Variants in ZNF146 observed in about 807,000 individuals in gnomAD.
ZNF146 encodes zinc finger protein 146.
ZNF146 carries 9 observed loss-of-function variants against 22.2 expected under a neutral mutation model. The observed-to-expected ratio is 0.41, with a 90% CI of 0.24 to 0.71. The LOEUF (loss-of-function observed/expected upper bound fraction) is 0.71, where lower values mean the gene tolerates loss of function less well. Among genes scored for constraint, ZNF146 ranks in the 30% least tolerant of loss-of-function variants. The pLI is 0.34. For missense variants in ZNF146, 194 were observed against 344.8 expected, an observed-to-expected ratio of 0.56 and a Z score of 3.46; for synonymous variants, 108 against 119.2, an observed-to-expected ratio of 0.91 and a Z score of 0.61.
chr19:36,231,491 G>C (rs1977369260), intron 3 of ZNF146, among the ~76,000 whole-genome samples: 1 of 152,158 alleles, frequency 6.6e-6, no homozygotes, highest in South Asian at 2.1e-4. Flanking sequence ...TTACAGGCGG[G>C]AGCCACTACA....
chr19:36,219,937 CT>C (rs552620218), intron 2 of ZNF146, among the ~76,000 whole-genome samples: 623 of 152,180 alleles, frequency 4.1e-3, no homozygotes, highest in Non-Finnish European at 7.3e-3. Flanking sequence ...TTTTTTCCCC[CT>C]GGCTTTTTCT....
At chr19:36,230,374 T>C (rs187720221) in intron 3 of ZNF146, among the ~76,000 whole-genome samples, 3 of 152,300 alleles carry the variant, frequency 2.0e-5, no homozygotes, top group Admixed American at 1.3e-4. Context: ...GACGGTGTTA[T>C]AATGGGGAGA....
Position 36,238,660 on chromosome 19 carries a change from CA to C in ZNF146, c.*1342del, listed in dbSNP as rs1359009822. 6.0e-6 allele frequency: 1 copy of C among 167,046 alleles called. No homozygotes were observed. The highest frequency in any genetic ancestry group is 2.4e-5 in the African/African-American group (1 of 41,442). The allele number at this position is 167,046 out of a possible 1,614,324, so 10.3% of individuals were successfully genotyped here. A position where few individuals can be genotyped will look rare whatever the true frequency, so the allele number is the denominator to read the frequency against. ...GATTCATTTCCAATTAAATACTAAA[CA>C]TTTTATAGAAAATATTTCTAAAATT... On this transcript the variant is annotated 3_prime_UTR_variant, in exon 4 of 4. Coordinates refer to ENST00000443387, the MANE Select transcript of ZNF146 (RefSeq NM_007145.3).
rs960970550 is a variant in ZNF146 at position 36,216,210 on chromosome 19, T to C, written c.-929+1014T>C. Among the ~76,000 whole-genome samples, 3 of 152,114 alleles carry C rather than the reference T, an allele frequency of 2.0e-5. No homozygotes were observed. The East Asian group carries it at 5.8e-4, about 29-fold the overall frequency. ...ACAATAGCAGTAAAAAGATAAAGTA[T>C]TGTGGAAGAAACTTAAAGGTTCAGA... On this transcript the variant is annotated intron_variant, in intron 1 of 3. Transcript: ENST00000443387.
At chr19:36,226,004 A>C (rs1977051626) in intron 2 of ZNF146, among the ~76,000 whole-genome samples, 1 of 151,992 alleles carries the variant, frequency 6.6e-6, no homozygotes, top group Non-Finnish European at 1.5e-5. Context: ...TCTGAGCTCA[A>C]GTGATCCTGC....
intron 2 of ZNF146, among the ~76,000 whole-genome samples, chr19:36,227,768 G>T (rs1977138549): frequency 6.6e-6 from 1 of 152,154 alleles, no homozygotes; most frequent in South Asian, 2.1e-4. Flanking sequence ...GCCCAGCCTG[G>T]TCTTGAACTC....
intron 1 of ZNF146, among the ~76,000 whole-genome samples, chr19:36,215,954 C>T (rs1266321407): frequency 6.6e-6 from 1 of 152,054 alleles, no homozygotes; most frequent in African/African-American, 2.4e-5. Context: ...CTTAATGAGT[C>T]GAGGCGTTCT....
At chr19:36,232,032 G>A (rs1977396563) in intron 3 of ZNF146, among the ~76,000 whole-genome samples, 1 of 151,742 alleles carries the variant, frequency 6.6e-6, no homozygotes, top group Admixed American at 6.6e-5. Context: ...GTAAAACCCC[G>A]TTTCTATTAA....
intron 2 of ZNF146, among the ~76,000 whole-genome samples, chr19:36,223,009 T>C (rs899008526): frequency 1.3e-5 from 2 of 152,062 alleles, no homozygotes; most frequent in African/African-American, 4.8e-5. Flanking sequence ...AGGCACAGTC[T>C]CACTGTGTTG....
intron 2 of ZNF146, among the ~76,000 whole-genome samples, chr19:36,220,100 A>G (rs990508579): frequency 2.0e-5 from 3 of 152,092 alleles, no homozygotes; most frequent in East Asian, 1.9e-4. Flanking sequence ...GCAGGCTTGT[A>G]TCTTCCTCCC....
chr19:36,219,145 G>C (rs1473089624), intron 2 of ZNF146, among the ~76,000 whole-genome samples: 2 of 152,028 alleles, frequency 1.3e-5, no homozygotes, highest in Non-Finnish European at 2.9e-5. Context: ...TTTTTAACTG[G>C]AATCAGGAAG....
intron 2 of ZNF146, among the ~76,000 whole-genome samples, chr19:36,226,186 C>G (rs1255326340): frequency 6.6e-6 from 1 of 152,182 alleles, no homozygotes; most frequent in Admixed American, 6.6e-5. Flanking sequence ...ACTGCCTAAT[C>G]GATCTCTCTG....
At chr19:36,235,618 T>C (rs1204436274) in intron 3 of ZNF146, 41 bp from the exon 4 acceptor site, 1 of 152,192 alleles carries the variant, frequency 6.6e-6, no homozygotes, top group Admixed American at 6.5e-5. Context: ...ACTTTATGAA[T>C]TTAACTCCTT....
At chr19:36,222,626 G>A (rs1016519001) in intron 2 of ZNF146, among the ~76,000 whole-genome samples, 1 of 151,006 alleles carries the variant, frequency 6.6e-6, no homozygotes, top group African/African-American at 2.5e-5. Flanking sequence ...TCTTATGAAT[G>A]AGAATTTTTT....
chr19:36,237,377 A>C lies in ZNF146; in HGVS notation c.*58A>C. ...TTTCATTAGAAATTTGCACCTCATCATGCCCCAGAAATAATCCTTCTGAAG... is the reference window on the plus strand; with the variant it reads ...TTTCATTAGAAATTTGCACCTCATCCTGCCCCAGAAATAATCCTTCTGAAG... On this transcript the variant is annotated 3_prime_UTR_variant, in exon 4 of 4. Coordinates refer to ENST00000443387, the MANE Select transcript of ZNF146 (RefSeq NM_007145.3). 1 of 1,527,852 alleles carries C rather than the reference A, an allele frequency of 6.5e-7. No homozygotes were observed. The allele number at this position is 1,527,852 out of a possible 1,614,324, so 94.6% of individuals were successfully genotyped here.
chr19:36,221,672 G>A (rs1193045800), intron 2 of ZNF146, among the ~76,000 whole-genome samples: 1 of 152,102 alleles, frequency 6.6e-6, no homozygotes, highest in Admixed American at 6.6e-5. Flanking sequence ...CTATCTCACA[G>A]AGATATCTCA....
At chr19:36,217,702 TG>T (rs1217620397) in intron 1 of ZNF146, among the ~76,000 whole-genome samples, 4 of 151,648 alleles carry the variant, frequency 2.6e-5, no homozygotes, top group Admixed American at 6.6e-5. Context: ...GTGACCAACA[TG>T]GAGAAACCCC....
intron 2 of ZNF146, among the ~76,000 whole-genome samples, chr19:36,218,860 G>A (rs1308709128): frequency 6.6e-6 from 1 of 150,598 alleles, no homozygotes; most frequent in Non-Finnish European, 1.5e-5. Context: ...CCAGGCTGGA[G>A]TGCAGTGGTG....
chr19:36,218,779 A>G (rs1025544373), intron 2 of ZNF146, among the ~76,000 whole-genome samples: 3 of 141,004 alleles, frequency 2.1e-5, no homozygotes, highest in Non-Finnish European at 3.1e-5. Flanking sequence ...TAATATTTCT[A>G]TATTTTAATT....
Sources: allele counts gnomAD v4.1 joint callset (sites outside exome capture counted in the v4.1 genomes callset), GRCh38; gene constraint gnomAD v4.1.1; transcripts MANE v1.5; gene names NCBI Gene and HGNC (gene_info 2026-07-23, HGNC 2026-07-21).